Variants in SLC17A7 observed in about 807,000 individuals in gnomAD.
SLC17A7 encodes the protein vesicular glutamate transporter 1.
SLC17A7 carries 15 observed loss-of-function variants against 59.1 expected under a neutral mutation model. The observed-to-expected ratio is 0.25, with a 90% CI of 0.17 to 0.39. SLC17A7 has a LOEUF of 0.39. SLC17A7 is among the 10% of genes least tolerant of loss of function. The pLI is 1.00. For synonymous variants in SLC17A7, 353 were observed against 308.9 expected (o/e 1.14, Z -1.50); for missense variants, 499 against 765.1 (o/e 0.65, Z 4.10).
chr19:49,435,356 C>T (rs1357482452), intron 2 of SLC17A7, 70 bp from the exon 3 acceptor site: 4 of 1,130,056 alleles, frequency 3.5e-6, no homozygotes, highest in South Asian at 1.3e-5. Context: ...TCAGCACCCA[C>T]AGACTTAGCG....
In SLC17A7 at chr19:49,430,414, C is replaced by A; in HGVS notation, c.*105G>T. The A allele has an allele frequency of 1.2e-6, 1 of 804,828 alleles. No homozygotes were observed. The allele number at this position is 804,828 out of a possible 1,614,324, so 49.9% of individuals were successfully genotyped here. ...GGAACAAGGGAGAGTGCTTCTTAGG[C>A]CTGAGGCAGGACAGAGAGGAGCAGG... On this transcript the variant is annotated 3_prime_UTR_variant, in exon 12 of 12. Transcript: ENST00000221485.
In SLC17A7 at chr19:49,430,539, GT is replaced by G; in HGVS notation, c.1662del (p.Pro556LeufsTer26). On this transcript the variant is annotated frameshift_variant, in exon 12 of 12. Transcript: ENST00000221485. LOFTEE classifies it high-confidence loss of function. ...THSTFQPPRP[P>X]PPVRDY Reference sequence around the variant, plus strand: ...CATGGTCAGTAGTCCCGGACAGGGGGTGGGGGCCTGGGGGGCTGAAATGTGC... The same window carrying G: ...CATGGTCAGTAGTCCCGGACAGGGGGGGGGGCCTGGGGGGCTGAAATGTGC... The G allele has an allele frequency of 6.3e-7, 1 of 1,585,894 alleles. No homozygotes were observed. Among genetic ancestry groups the G allele is most frequent in the Non-Finnish European group, 8.6e-7 (1 of 1,164,832 alleles).
intron 1 of SLC17A7, among the ~76,000 whole-genome samples, 183 bp downstream of exon 1, chr19:49,441,135 G>A (rs1040771348): frequency 6.6e-6 from 1 of 152,104 alleles, no homozygotes; most frequent in Non-Finnish European, 1.5e-5. Context: ...AAAAGGAACA[G>A]GATAATGGAC....
In SLC17A7 at chr19:49,436,443, A is replaced by G. The variant is rs1320703886; in HGVS notation, c.315+106T>C. The G allele has an allele frequency of 1.4e-6, 2 of 1,449,088 alleles. No homozygotes were observed. The highest frequency in any genetic ancestry group is 1.9e-6 in the Non-Finnish European group (2 of 1,071,702). 89.8% of individuals were successfully genotyped at this position (1,449,088 alleles called of 1,614,324 possible). A position where few individuals can be genotyped will look rare whatever the true frequency, so the allele number is the denominator to read the frequency against. ...CGGAGCTATTCCGACAGCGTTTCGG[A>G]AGGGGCGTGGCCTGGACGTCTGGTG... On this transcript the variant is annotated intron_variant, in intron 2 of 11. Transcript: ENST00000221485. The surrounding 1 kb of genome is among the most constrained non-coding windows in gnomAD (Gnocchi z 4.1).
chr19:49,441,496 C>G lies in SLC17A7; in HGVS notation c.-117G>C. ...TCCAGCCCCGGCCCGGCCGGCCCCG[C>G]AGCTCCGCTCGGGGGGAAGGAGGCT... On this transcript the variant is annotated 5_prime_UTR_variant, in exon 1 of 12. Coordinates refer to ENST00000221485, the MANE Select transcript of SLC17A7 (RefSeq NM_020309.4). 2 of 1,072,542 alleles carry G rather than the reference C, an allele frequency of 1.9e-6. No individual in the cohort carries two copies. Among genetic ancestry groups the G allele is most frequent in the Non-Finnish European group, 2.2e-6 (2 of 888,930 alleles). 66.4% of individuals were successfully genotyped at this position (1,072,542 alleles called of 1,614,324 possible).
chr19:49,434,762 A>C lies in SLC17A7; in HGVS notation c.549+6T>G, dbSNP rs898716914. On this transcript the variant is annotated splice_donor_region_variant and intron_variant, in intron 4 of 11. Transcript: ENST00000221485. Reference sequence around the variant, plus strand: ...GAGGGCAGGGTCATATCAGGCGGGGATTTACCTCTACCAACCCCTGCAGGA... The same window carrying C: ...GAGGGCAGGGTCATATCAGGCGGGGCTTTACCTCTACCAACCCCTGCAGGA... 7 of 1,613,992 alleles carry C rather than the reference A, an allele frequency of 4.3e-6. No individual in the cohort carries two copies. In the African/African-American group the frequency reaches 8.0e-5, roughly 18 times the overall value.
In SLC17A7 at chr19:49,430,205, A is replaced by C; in HGVS notation, c.*314T>G. On this transcript the variant is annotated 3_prime_UTR_variant, in exon 12 of 12. Transcript: ENST00000221485. ...GGGGTGTGGGTGCCTCAAAACCACA[A>C]GAGAGAGTAAGAGGTCGAACTGTCC... is the stretch of plus-strand genomic sequence containing the variant. The C allele has an allele frequency of 4.6e-6, 1 of 217,332 alleles. No individual in the cohort carries two copies. The highest frequency in any genetic ancestry group is 9.0e-6 in the Non-Finnish European group (1 of 111,242). The allele number at this position is 217,332 out of a possible 1,614,324, so 13.5% of individuals were successfully genotyped here.
Position 49,436,263 on chromosome 19 carries a change from G to A in SLC17A7, c.315+286C>T, listed in dbSNP as rs545746174. 8 of 488,216 alleles carry A rather than the reference G, an allele frequency of 1.6e-5. No individual in the cohort carries two copies. The South Asian group carries it at 2.0e-4, about 12-fold the overall frequency. 30.2% of individuals were successfully genotyped at this position (488,216 alleles called of 1,614,324 possible). Reference sequence around the variant, plus strand: ...GCTAGTAGGTCCAAAATGGGGCAGGGGCAACCCCTAGGGAACCTGATGTTG... The same window carrying A: ...GCTAGTAGGTCCAAAATGGGGCAGGAGCAACCCCTAGGGAACCTGATGTTG... On this transcript the variant is annotated intron_variant, in intron 2 of 11. Coordinates refer to ENST00000221485, the MANE Select transcript of SLC17A7 (RefSeq NM_020309.4). The surrounding 1 kb of genome is among the most constrained non-coding windows in gnomAD (Gnocchi z 4.1).
In SLC17A7 at chr19:49,436,822, G is replaced by A. The variant is rs776880612; in HGVS notation, c.63-21C>T. 1 of 1,596,046 alleles carries A rather than the reference G, an allele frequency of 6.3e-7. No homozygotes were observed. Among genetic ancestry groups the A allele is most frequent in the South Asian group, 1.1e-5 (1 of 90,940 alleles). ...GAAGGCTGCGGGACAGCAAGAGCCA[G>A]AGACTCGGAAGTCCAGGCCCCCAGC... On this transcript the variant is annotated intron_variant, in intron 1 of 11. Transcript: ENST00000221485. The surrounding 1 kb of genome is among the most constrained non-coding windows in gnomAD (Gnocchi z 4.1).
At position 49,433,696 on chromosome 19, in the gene SLC17A7, C is replaced by T. The variant is rs759769251; in HGVS notation, c.867+30G>A. The T allele has an allele frequency of 5.0e-6, 8 of 1,613,930 alleles. No individual in the cohort carries two copies. The Admixed American group carries it at 5.0e-5, about 10-fold the overall frequency. On this transcript the variant is annotated intron_variant, in intron 7 of 11. Coordinates refer to ENST00000221485, the MANE Select transcript of SLC17A7 (RefSeq NM_020309.4). This position sits in a 1 kb window ranked among gnomAD's most constrained non-coding sequence, Gnocchi z 5.7. The stretch of plus-strand genomic sequence containing the variant: ...AGGTTCGTGGCTTGCTATCTCTCCC[C>T]GCCCCTTCCCCGAAGATTTGGTCCC...
rs1315883412 is a variant in SLC17A7 at position 49,433,688 on chromosome 19, T to C, written c.867+38A>G. ...CGCTGTGCAGGTTCGTGGCTTGCTA[T>C]CTCTCCCCGCCCCTTCCCCGAAGAT... On this transcript the variant is annotated intron_variant, in intron 7 of 11. Transcript: ENST00000221485. The surrounding 1 kb of genome is among the most constrained non-coding windows in gnomAD (Gnocchi z 5.7). The C allele has an allele frequency of 1.2e-6, 2 of 1,613,798 alleles. No individual in the cohort carries two copies. The highest frequency in any genetic ancestry group is 3.3e-5 in the Admixed American group (2 of 59,986).
chr19:49,430,904 C>A, intron 11 of SLC17A7, 92 bp from the exon 12 acceptor site: 1 of 1,553,502 alleles, frequency 6.4e-7, no homozygotes, highest in African/African-American at 1.4e-5. Flanking sequence ...GGCAGAGACC[C>A]AGGGAGGCTG....
In SLC17A7 at chr19:49,430,514, C is replaced by G; in HGVS notation, c.*5G>C. ...GGAAACTGCCATTCAGTGGGAGGCA[C>G]ATGGTCAGTAGTCCCGGACAGGGGG... is the stretch of plus-strand genomic sequence containing the variant. On this transcript the variant is annotated 3_prime_UTR_variant, in exon 12 of 12. Transcript: ENST00000221485. 2 of 1,556,430 alleles carry G rather than the reference C, an allele frequency of 1.3e-6. No homozygotes were observed. The highest frequency in any genetic ancestry group is 1.7e-6 in the Non-Finnish European group (2 of 1,150,362).
rs2078951075 is a variant in SLC17A7, at chr19:49,429,880, G to A, written c.*639C>T. ...GTTGTTTCCCCAGACATTATGCTAAGCTAGGGAGAAGAGGGTCTTGAGAAA... is the reference window on the plus strand; with the variant it reads ...GTTGTTTCCCCAGACATTATGCTAAACTAGGGAGAAGAGGGTCTTGAGAAA... On this transcript the variant is annotated 3_prime_UTR_variant, in exon 12 of 12. Transcript: ENST00000221485. 3.6e-6 allele frequency: 1 copy of A among 279,444 alleles called. No homozygotes were observed. 17.3% of individuals were successfully genotyped at this position (279,444 alleles called of 1,614,324 possible).
intron 2 of SLC17A7, 75 bp from the exon 3 acceptor site, chr19:49,435,361 T>C (rs1446010023): frequency 9.4e-7 from 1 of 1,060,474 alleles, no homozygotes; most frequent in Non-Finnish European, 1.4e-6. Context: ...ACCCACAGAC[T>C]TAGCGTCTCG....
chr19:49,441,332 G>C lies in SLC17A7; in HGVS notation c.48C>G (p.Leu16=), dbSNP rs751089192. 3.1e-6 allele frequency: 5 copies of C among 1,610,122 alleles called. No homozygotes were observed. Among genetic ancestry groups the C allele is most frequent in the Non-Finnish European group, 3.4e-6 (4 of 1,179,082 alleles). The change falls in exon 1 of 12, where the codon CTC becomes CTG. Residue 16 remains leucine, a synonymous_variant. Coordinates refer to ENST00000221485, the MANE Select transcript of SLC17A7 (RefSeq NM_020309.4). ...GCCAGGCTCACCGGTGCAGCTTCCC[G>C]AGAGCACGACCCGCTAGCTTCCGAA... The part of the protein sequence containing the change: ...EEFRKLAGRA[L]GKLHRLLEKR...
chr19:49,432,472 C>T (rs771353349), intron 9 of SLC17A7, 47 bp downstream of exon 9: 54 of 1,589,266 alleles, frequency 3.4e-5, no homozygotes, highest in Non-Finnish European at 4.5e-5. Context: ...TCCGGCTCTG[C>T]TCCACCCAGG....
rs1377027133 is a variant in SLC17A7 at position 49,441,302 on chromosome 19, C to T, written c.62+16G>A. 6.2e-7 allele frequency: 1 copy of T among 1,608,292 alleles called. No homozygotes were observed. The highest frequency in any genetic ancestry group is 8.5e-7 in the Non-Finnish European group (1 of 1,178,428). ...AGATCCTCCCACTCTTCTCCCGGGA[C>T]CCCCGCCAGGCTCACCGGTGCAGCT... On this transcript the variant is annotated intron_variant, in intron 1 of 11. Transcript: ENST00000221485.
At position 49,430,581 on chromosome 19, in the gene SLC17A7, AG is replaced by A; in HGVS notation, c.1620del (p.Tyr541MetfsTer41). The A allele has an allele frequency of 1.9e-6, 3 of 1,581,900 alleles. No homozygotes were observed. The highest frequency in any genetic ancestry group is 2.6e-6 in the Non-Finnish European group (3 of 1,159,234). ...TGAAATGTGCTGTGTGTGGCCCCAT[AG>A]GAGGGCGGGGGTGCAGGGGGTGCCC... ...PPGAPPAPPP[S>X]YGATHSTFQP... On this transcript the variant is annotated frameshift_variant, in exon 12 of 12. Coordinates refer to ENST00000221485, the MANE Select transcript of SLC17A7 (RefSeq NM_020309.4). LOFTEE classifies it high-confidence loss of function.
Sources: gnomAD v4.1 joint callset for allele counts (sites outside exome capture counted in the v4.1 genomes callset) on GRCh38, gnomAD v4.1.1 for gene constraint, Gnocchi (gnomAD v3.1) non-coding constraint, MANE v1.5 for transcripts, NCBI Gene and HGNC (gene_info 2026-07-23, HGNC 2026-07-21) for gene names.